DNAH5: variants seen among roughly 807,000 people sequenced by gnomAD.
DNAH5 encodes dynein axonemal heavy chain 5.
In DNAH5, 372 loss-of-function variants were observed where a neutral mutation model predicts 518.2. The observed-to-expected ratio is 0.72, with a 90% confidence interval of 0.66 to 0.78. The LOEUF (loss-of-function observed/expected upper bound fraction) is 0.78, where lower values mean the gene tolerates loss of function less well. DNAH5 is among the 30% of genes least tolerant of loss of function. The pLI, the probability that DNAH5 is intolerant of heterozygous loss-of-function variation, is 0.00. For synonymous variants in DNAH5, 2,039 were observed against 2,025.9 expected (o/e 1.01, Z -0.17); for missense variants, 5,523 against 5,687.0 (o/e 0.97, Z 0.93).
chr5:14,001,488 TG>T (rs1784348396), intron 1 of DNAH5, among the ~76,000 whole-genome samples: 2 of 151,822 alleles, frequency 1.3e-5, no homozygotes, highest in East Asian at 3.9e-4. Context: ...CTCAGCCTCC[TG>T]AGTAGCTGGG....
Position 13,862,565 on chromosome 5 carries a change from T to C in DNAH5, c.4779A>G (p.Gly1593=), listed in dbSNP as rs766342038. The C allele has an allele frequency of 4.3e-6, 7 of 1,613,836 alleles. No individual in the cohort carries two copies. The African/African-American group carries it at 8.0e-5, about 18-fold the overall frequency. ...TTTCCCACCTGTTGCTCAGTAGGGA[T>C]CCCAGCAACATCAAGCTGTCCTCCA... ...ANMEDSLMLL[G]SLLSNRYNMP... Residue 1593 remains glycine, a synonymous_variant, in exon 29 of 79, where the codon GGA becomes GGG. Transcript: ENST00000265104.
At chr5:13,969,466 T>A (rs1781738833) in intron 1 of DNAH5, among the ~76,000 whole-genome samples, 1 of 152,206 alleles carries the variant, frequency 6.6e-6, no homozygotes, top group Non-Finnish European at 1.5e-5. Context: ...CTAGGAACTT[T>A]CCTTTTGGCA....
At chr5:13,921,436 G>GTCTT (rs1777246279) in intron 5 of DNAH5, among the ~76,000 whole-genome samples, 1 of 125,162 alleles carries the variant, frequency 8.0e-6, no homozygotes, top group South Asian at 2.8e-4. Context: ...CTCTCTCTCT[G>GTCTT]TCTCTCTCTC....
At chr5:13,918,047 C>T (rs1776833278) in intron 7 of DNAH5, among the ~76,000 whole-genome samples, 2 of 152,198 alleles carry the variant, frequency 1.3e-5, no homozygotes, top group Admixed American at 1.3e-4. Flanking sequence ...GTATTCATCC[C>T]TTCTCCTTGA....
chr5:13,735,438 C>G, intron 67 of DNAH5, 117 bp from the exon 68 acceptor site: 1 of 985,944 alleles, frequency 1.0e-6, no homozygotes, highest in Non-Finnish European at 1.5e-6. Flanking sequence ...TATTTTTACA[C>G]ATCAAGAGAA....
At chr5:13,960,281 T>C (rs1172034008) in intron 1 of DNAH5, among the ~76,000 whole-genome samples, 1 of 152,118 alleles carries the variant, frequency 6.6e-6, no homozygotes, top group East Asian at 1.9e-4. Flanking sequence ...ACAGTGAATG[T>C]GAGGAGGTGC....
At position 13,749,581 on chromosome 5, in the gene DNAH5, A is replaced by G. The variant is rs187443320; in HGVS notation, c.11211+1497T>C. On this transcript the variant is annotated intron_variant, in intron 65 of 78. Transcript: ENST00000265104. ...CAATCCAAGTCTGTCAGATCAAATT[A>G]TTTGTTCCAAGGAGACTGTATTCAT... Among the ~76,000 whole-genome samples, 145 of 152,270 alleles carry G rather than the reference A, an allele frequency of 9.5e-4. 2 individuals are homozygous for G. In the Middle Eastern group the frequency reaches 0.01, roughly 11 times the overall value.
intron 1 of DNAH5, among the ~76,000 whole-genome samples, chr5:13,951,140 TA>T (rs1233920070): frequency 6.6e-6 from 1 of 151,996 alleles, no homozygotes; most frequent in African/African-American, 2.4e-5. Flanking sequence ...AAATCATGAT[TA>T]TTTTCCTGAA....
chr5:13,813,827 A>G (rs1432521428), intron 43 of DNAH5, among the ~76,000 whole-genome samples: 1 of 152,222 alleles, frequency 6.6e-6, no homozygotes, highest in African/African-American at 2.4e-5. Context: ...TGAAAATGTA[A>G]TGATATAATG....
chr5:13,785,839 T>C (rs1384921725), intron 52 of DNAH5, among the ~76,000 whole-genome samples: 1 of 152,214 alleles, frequency 6.6e-6, no homozygotes, highest in Non-Finnish European at 1.5e-5. Context: ...TTTTATAGGA[T>C]ATTCTTTGCA....
At chr5:13,910,028 G>A (rs1446714709) in intron 12 of DNAH5, among the ~76,000 whole-genome samples, 2 of 152,170 alleles carry the variant, frequency 1.3e-5, no homozygotes, top group South Asian at 4.1e-4. Context: ...GGAAACACAG[G>A]TGAACATCAG....
At chr5:13,732,865 C>A (rs1426989821) in intron 68 of DNAH5, among the ~76,000 whole-genome samples, 1 of 152,098 alleles carries the variant, frequency 6.6e-6, no homozygotes, top group Non-Finnish European at 1.5e-5. Context: ...ATTTTAAAGT[C>A]CTTACAGAGA....
In DNAH5 at chr5:13,768,959, C is replaced by A; in HGVS notation, c.9897+1G>T. The A allele has an allele frequency of 6.2e-7, 1 of 1,614,104 alleles. No individual in the cohort carries two copies. Among genetic ancestry groups the A allele is most frequent in the Non-Finnish European group, 8.5e-7 (1 of 1,179,948 alleles). ...ACATCTGTTATATCACATAGATGCACCTGCAATGCAGCTTCTGCCTCTTCT... is the reference window on the plus strand; with the variant it reads ...ACATCTGTTATATCACATAGATGCAACTGCAATGCAGCTTCTGCCTCTTCT... On this transcript the variant is annotated splice_donor_variant, in intron 58 of 78. Coordinates refer to ENST00000265104, the MANE Select transcript of DNAH5 (RefSeq NM_001369.3). LOFTEE classifies it high-confidence loss of function.
At chr5:13,720,649 A>C (rs779582364) in intron 71 of DNAH5, among the ~76,000 whole-genome samples, 1 of 152,132 alleles carries the variant, frequency 6.6e-6, no homozygotes, top group Non-Finnish European at 1.5e-5. Context: ...CTGAGATTAC[A>C]GTTGTGAGGC....
chr5:13,957,403 G>C (rs1163921359), intron 1 of DNAH5, among the ~76,000 whole-genome samples: 1 of 152,174 alleles, frequency 6.6e-6, no homozygotes, highest in Non-Finnish European at 1.5e-5. Context: ...AAAGAAGACA[G>C]AACAGTGGGA....
intron 16 of DNAH5, among the ~76,000 whole-genome samples, chr5:13,892,042 G>A (rs771776842): frequency 6.6e-6 from 1 of 152,032 alleles, no homozygotes; most frequent in African/African-American, 2.4e-5. Flanking sequence ...ACGCTGTATC[G>A]GAGATGTAAA....
intron 53 of DNAH5, 57 bp from the exon 54 acceptor site, chr5:13,777,412 A>T: frequency 6.5e-7 from 1 of 1,532,138 alleles, no homozygotes; most frequent in Non-Finnish European, 9.0e-7. Flanking sequence ...GAGGGAAAGA[A>T]CCTTGTAACA....
At chr5:13,837,368 A>C (rs768812033) in intron 35 of DNAH5, among the ~76,000 whole-genome samples, 1 of 152,162 alleles carries the variant, frequency 6.6e-6, no homozygotes, top group Non-Finnish European at 1.5e-5. Flanking sequence ...GGGTAGAAGC[A>C]ATCTCAGCAT....
chr5:13,802,309 G>A (rs967540861), intron 47 of DNAH5, among the ~76,000 whole-genome samples: 6 of 152,168 alleles, frequency 3.9e-5, no homozygotes, highest in African/African-American at 1.4e-4. Context: ...CAGAAAACCA[G>A]GTAGGCTGAG....
Sources: gnomAD v4.1 joint callset for allele counts (sites outside exome capture counted in the v4.1 genomes callset) on GRCh38, gnomAD v4.1.1 for gene constraint, MANE v1.5 for transcripts, NCBI Gene and HGNC (gene_info 2026-07-23, HGNC 2026-07-21) for gene names.